Variants in NAIP observed in about 807,000 individuals in gnomAD.
NAIP encodes NLR family apoptosis inhibitory protein.
In NAIP, 15 loss-of-function variants were observed where a neutral mutation model predicts 23.0. The ratio of observed to expected loss-of-function variants is 0.65; its 90% CI spans 0.44 to 1.00. The LOEUF is 1.00. Among genes scored for constraint, NAIP ranks in the 50% least tolerant of loss-of-function variants. The pLI is 0.00. For synonymous variants in NAIP, 100 were observed against 100.2 expected, an observed-to-expected ratio of 1.00 and a Z score of 0.01; for missense variants, 265 against 278.8, an observed-to-expected ratio of 0.95 and a Z score of 0.35.
At position 71,014,245 on chromosome 5, in the gene NAIP, G is replaced by A. The variant is rs570083949; in HGVS notation, c.-3-1327C>T. Reference sequence around the variant, plus strand: ...CCTGAGTAGCTGGGATTACAGGCACGTGCCACCAATTGCGGCTAATTTCTG... The same window carrying A: ...CCTGAGTAGCTGGGATTACAGGCACATGCCACCAATTGCGGCTAATTTCTG... On this transcript the variant is annotated intron_variant, in intron 3 of 16. Transcript: ENST00000517649. 1.2e-3 allele frequency among the ~76,000 whole-genome samples: 188 copies of A among 151,166 alleles called. 4 individuals are homozygous for A. The highest frequency in any genetic ancestry group is 3.4e-3 in the Middle Eastern group (1 of 292).
intron 12 of NAIP, among the ~76,000 whole-genome samples, chr5:70,980,323 G>A (rs1481626333): frequency 2.6e-4 from 1 of 3,912 alleles, no homozygotes; most frequent in African/African-American, 4.6e-4. Context: ...AGGCTGAGGC[G>A]GGCGGATCAC....
chr5:71,011,598 C>T, intron 4 of NAIP: 1 of 548,590 alleles, frequency 1.8e-6, no homozygotes. Flanking sequence ...CAATATCCTG[C>T]CCCAGCTGCC....
intron 3 of NAIP, among the ~76,000 whole-genome samples, chr5:71,014,184 G>A (rs182977608): frequency 1.5e-4 from 22 of 148,402 alleles, no homozygotes; most frequent in African/African-American, 4.7e-4. Context: ...TGCAACCTCC[G>A]CCTCCTGGGT....
chr5:70,996,741 T>C (rs1750688554), intron 9 of NAIP, among the ~76,000 whole-genome samples: 1 of 132,752 alleles, frequency 7.5e-6, no homozygotes, highest in South Asian at 2.4e-4. Context: ...TTGCAGTGAG[T>C]GAGATCACGC....
chr5:71,013,259 A>T (rs575567280), intron 3 of NAIP, among the ~76,000 whole-genome samples: 1 of 151,586 alleles, frequency 6.6e-6, no homozygotes, highest in South Asian at 2.1e-4. Flanking sequence ...AAAGAAAAAC[A>T]TAGACAAAAT....
chr5:71,017,519 T>C (rs1410857300), intron 3 of NAIP, among the ~76,000 whole-genome samples: 1 of 112,472 alleles, frequency 8.9e-6, no homozygotes, highest in Non-Finnish European at 2.2e-5. Context: ...GGAGGATTGC[T>C]TGAGCCCAGG....
At chr5:71,013,016 G>T in intron 3 of NAIP, 98 bp from the exon 4 acceptor site, 3 of 1,078,590 alleles carry the variant, frequency 2.8e-6, no homozygotes, top group Non-Finnish European at 3.9e-6. Context: ...TTAAAGGAAT[G>T]CCTGGAATTT....
chr5:71,009,122 C>T (rs207727), intron 5 of NAIP, among the ~76,000 whole-genome samples: 65 of 148,420 alleles, frequency 4.4e-4, no homozygotes, highest in East Asian at 2.4e-3. Context: ...ATCACTTGAG[C>T]CCAGGAGTTT....
chr5:71,009,892 TA>T (rs1316901345), intron 5 of NAIP, among the ~76,000 whole-genome samples: 6 of 151,598 alleles, frequency 4.0e-5, no homozygotes, highest in African/African-American at 1.4e-4. Flanking sequence ...AAAATACTAG[TA>T]AATATAGCAT....
chr5:71,009,518 G>T (rs1241729256), intron 5 of NAIP, among the ~76,000 whole-genome samples: 1 of 150,894 alleles, frequency 6.6e-6, no homozygotes, highest in South Asian at 2.1e-4. Context: ...TGATGAAACC[G>T]CATCTCTACT....
intron 12 of NAIP, among the ~76,000 whole-genome samples, chr5:70,980,360 G>T (rs1440627832): frequency 8.7e-5 from 1 of 11,472 alleles, no homozygotes; most frequent in African/African-American, 1.7e-4. Flanking sequence ...GACCAGTCTG[G>T]CCAACATAGT....
In NAIP at chr5:70,971,890, A is replaced by AT. The variant is rs1162905214; in HGVS notation, c.3848-1423dup. Reference sequence around the variant, plus strand: ...GTTTAGGGGTTTTTAAAAAAAAAAAATTTTTTTTTTTTGAGACAGGGTGTC... The same window carrying AT: ...GTTTAGGGGTTTTTAAAAAAAAAAAATTTTTTTTTTTTTGAGACAGGGTGTC... On this transcript the variant is annotated intron_variant, in intron 16 of 16. Transcript: ENST00000517649. 7.2e-4 allele frequency among the ~76,000 whole-genome samples: 46 copies of AT among 64,160 alleles called. 7 individuals are homozygous for AT. Among genetic ancestry groups the AT allele is most frequent in the Non-Finnish European group, 7.9e-4 (28 of 35,312 alleles). The allele number at this position is 64,160 out of a possible 152,430, so 42.1% of individuals were successfully genotyped here. A position where few individuals can be genotyped will look rare whatever the true frequency, so the allele number is the denominator to read the frequency against.
At chr5:70,973,133 C>G (rs1750240616) in intron 16 of NAIP, among the ~76,000 whole-genome samples, 1 of 151,450 alleles carries the variant, frequency 6.6e-6, no homozygotes, top group Non-Finnish European at 1.5e-5. Context: ...ATCTCCTGAC[C>G]TCGTGATCCA....
rs184071621 is a variant in NAIP, at chr5:71,013,602, G to A, written c.-3-684C>T. 4.4e-4 allele frequency among the ~76,000 whole-genome samples: 64 copies of A among 146,890 alleles called. 2 individuals are homozygous for A. The highest frequency in any genetic ancestry group is 1.3e-3 in the African/African-American group (51 of 39,810). On this transcript the variant is annotated intron_variant, in intron 3 of 16. Transcript: ENST00000517649. ...TTGCAGCGAGCCGAGATCGCGCCAC[G>A]GTACTCCAGCCTGGGTGACAGAGCA...
chr5:71,008,532 C>T (rs1210793633), intron 5 of NAIP, among the ~76,000 whole-genome samples: 91 of 69,890 alleles, frequency 1.3e-3, no homozygotes, highest in African/African-American at 5.3e-3. Context: ...AGGCTGGGCA[C>T]GGTGGCTCAT....
chr5:71,016,083 A>T (rs1163475060), intron 3 of NAIP, among the ~76,000 whole-genome samples: 1 of 149,410 alleles, frequency 6.7e-6, no homozygotes, highest in African/African-American at 2.5e-5. Context: ...AGTTGAGATC[A>T]GCCTGGGCAA....
intron 9 of NAIP, among the ~76,000 whole-genome samples, chr5:70,996,926 CAAAT>C (rs1315948425): frequency 2.9e-5 from 2 of 68,292 alleles, no homozygotes; most frequent in African/African-American, 8.2e-5. Context: ...ATAGTCAGAA[CAAAT>C]AAATCCATAG....
intron 5 of NAIP, among the ~76,000 whole-genome samples, chr5:71,009,675 C>T (rs904110594): frequency 1.3e-5 from 2 of 151,216 alleles, no homozygotes; most frequent in Non-Finnish European, 3.0e-5. Flanking sequence ...GAGACTCTGT[C>T]TCAAATAAAA....
chr5:71,012,432 T>C lies in NAIP; in HGVS notation c.484A>G (p.Arg162Gly), dbSNP rs760115682. ...GGCCAGTTCCTGAAGGACGCAAGTC[T>C]AGCCTCCTCTTCTTGGTACCTCATT... ...GKMRYQEEEA[R>G]LASFRNWPFY... is the part of the protein sequence containing the mutation. The change falls in exon 4 of 17, where the codon AGA (arginine) becomes GGA (glycine). Residue 162 changes from arginine (R) to glycine (G), a missense_variant. Arg to Gly is a moderately radical substitution (Grantham distance 125, BLOSUM62 -2). Coordinates refer to ENST00000517649, the MANE Select transcript of NAIP (RefSeq NM_004536.3). 6.2e-7 allele frequency: 1 copy of C among 1,611,728 alleles called. No homozygotes were observed.
Sources: gnomAD v4.1 joint callset for allele counts (sites outside exome capture counted in the v4.1 genomes callset) on GRCh38, gnomAD v4.1.1 for gene constraint, MANE v1.5 for transcripts, NCBI Gene and HGNC (gene_info 2026-07-23, HGNC 2026-07-21) for gene names.